The following NDFIP1 variants were observed in gnomAD, a reference collection of about 807,000 sequenced individuals.
The protein encoded by NDFIP1 is Nedd4 family interacting protein 1.
A neutral mutation model predicts 28.8 loss-of-function variants in NDFIP1; 7 were observed. The observed-to-expected ratio is 0.24, with a 90% CI of 0.14 to 0.46. The LOEUF is 0.46. NDFIP1 is among the 20% of genes least tolerant of loss of function. NDFIP1 has a pLI of 0.99. For synonymous variants in NDFIP1, 92 were observed against 101.0 expected, an observed-to-expected ratio of 0.91 and a Z score of 0.53; for missense variants, 194 against 269.1, an observed-to-expected ratio of 0.72 and a Z score of 1.95.
chr5:142,152,793 G>A lies in NDFIP1; in HGVS notation c.*1065G>A, dbSNP rs1245333605. The A allele has an allele frequency of 3.0e-5, 5 of 165,572 alleles. No individual in the cohort carries two copies. Among genetic ancestry groups the A allele is most frequent in the African/African-American group, 1.2e-4 (5 of 41,504 alleles). The allele number at this position is 165,572 out of a possible 1,614,324, so 10.3% of individuals were successfully genotyped here. A position where few individuals can be genotyped will look rare whatever the true frequency, so the allele number is the denominator to read the frequency against. ...GTGTAGCACCTTTTACTGTAGATTA[G>A]TGCTTAATTTCTTGGCTTGCATTTG... On this transcript the variant is annotated 3_prime_UTR_variant, in exon 8 of 8. Transcript: ENST00000253814.
chr5:142,131,019 A>G (rs1279753586), intron 1 of NDFIP1, among the ~76,000 whole-genome samples: 1 of 151,914 alleles, frequency 6.6e-6, no homozygotes, highest in African/African-American at 2.4e-5. Flanking sequence ...CAGTGGCACA[A>G]TCTTAGCTCG....
intron 4 of NDFIP1, 71 bp from the exon 5 acceptor site, chr5:142,137,663 C>A: frequency 1.3e-6 from 2 of 1,553,244 alleles, no homozygotes; most frequent in South Asian, 2.4e-5. Flanking sequence ...TAAACAGAGG[C>A]AGGTGTAAGG....
chr5:142,140,735 T>A, intron 6 of NDFIP1, 106 bp downstream of exon 6: 2 of 779,006 alleles, frequency 2.6e-6, no homozygotes, highest in Non-Finnish European at 2.0e-6. Context: ...AGTAATATAT[T>A]AACAATTAAT....
intron 1 of NDFIP1, among the ~76,000 whole-genome samples, chr5:142,118,524 A>G (rs1376886627): frequency 6.6e-6 from 1 of 152,164 alleles, no homozygotes; most frequent in Admixed American, 6.5e-5. Context: ...AACATGACTT[A>G]TCATTGTTGA....
intron 4 of NDFIP1, among the ~76,000 whole-genome samples, chr5:142,136,772 A>AAAT (rs1757280077): frequency 1.3e-5 from 2 of 150,304 alleles, no homozygotes; most frequent in Non-Finnish European, 3.0e-5. Flanking sequence ...AAAAAAAAAA[A>AAAT]AAGAGGTCAA....
intron 4 of NDFIP1, 108 bp from the exon 5 acceptor site, chr5:142,137,626 C>A: frequency 7.8e-7 from 1 of 1,278,900 alleles, no homozygotes; most frequent in Non-Finnish European, 1.1e-6. Flanking sequence ...GGAGGACAGG[C>A]TGTCTTTTAT....
chr5:142,129,110 T>G (rs894557172), intron 1 of NDFIP1, among the ~76,000 whole-genome samples: 5 of 152,208 alleles, frequency 3.3e-5, no homozygotes, highest in Non-Finnish European at 7.3e-5. Context: ...TAAACCAAGC[T>G]AGGTTTAAAT....
chr5:142,110,333 TAATAA>T (rs1440408561), intron 1 of NDFIP1, among the ~76,000 whole-genome samples: 2 of 152,208 alleles, frequency 1.3e-5, no homozygotes, highest in Non-Finnish European at 2.9e-5. Context: ...CTTACTGCTT[TAATAA>T]AATGGGAATA....
At chr5:142,128,144 T>C (rs985070445) in intron 1 of NDFIP1, among the ~76,000 whole-genome samples, 5 of 152,106 alleles carry the variant, frequency 3.3e-5, no homozygotes, top group Non-Finnish European at 7.3e-5. Context: ...TTCAGATCTG[T>C]CTCTCTGAGT....
Position 142,154,386 on chromosome 5 carries a change from C to A in NDFIP1, c.*2658C>A, listed in dbSNP as rs1260197052. The A allele has an allele frequency of 6.6e-6, 1 of 151,948 alleles. No homozygotes were observed. The highest frequency in any genetic ancestry group is 1.5e-5 in the Non-Finnish European group (1 of 67,972). The allele number at this position is 151,948 out of a possible 1,614,324, so 9.4% of individuals were successfully genotyped here. On this transcript the variant is annotated 3_prime_UTR_variant, in exon 8 of 8. Coordinates refer to ENST00000253814, the MANE Select transcript of NDFIP1 (RefSeq NM_030571.4). ...AGCCATTTTTTTTTTCAGAAAGTTA[C>A]ATTGCTTTGTATAGAAATAAAAGGC...
At chr5:142,125,128 G>A (rs148983161) in intron 1 of NDFIP1, among the ~76,000 whole-genome samples, 331 of 152,162 alleles carry the variant, frequency 2.2e-3, no homozygotes, top group African/African-American at 7.4e-3. Context: ...GTACTGTAAT[G>A]TTTTTAAGGT....
intron 7 of NDFIP1, among the ~76,000 whole-genome samples, chr5:142,148,775 A>AG (rs1296354871): frequency 6.7e-6 from 1 of 149,928 alleles, no homozygotes; most frequent in South Asian, 2.1e-4. Flanking sequence ...AAAAAAAAAA[A>AG]AAGTATGTGA....
rs1347481471 is a variant in NDFIP1 at position 142,140,581 on chromosome 5, G to C, written c.514G>C (p.Gly172Arg). The C allele has an allele frequency of 1.2e-6, 2 of 1,611,870 alleles. No individual in the cohort carries two copies. The highest frequency in any genetic ancestry group is 3.3e-5 in the Admixed American group (2 of 59,718). The change falls in exon 6 of 8, where the codon GGA becomes CGA. Residue 172 changes from glycine to arginine, a missense_variant. By Grantham distance (125) the Gly-to-Arg change is moderately radical. Coordinates refer to ENST00000253814, the MANE Select transcript of NDFIP1 (RefSeq NM_030571.4). ...LIVRFSTYFP[G>R]YFDGQYWLWW... ...TTTTTAGTTTTCCACCTATTTCCCT[G>C]GATATTTTGATGGTCAGTACTGGCT...
intron 7 of NDFIP1, among the ~76,000 whole-genome samples, chr5:142,150,598 G>A (rs1458046848): frequency 6.6e-6 from 1 of 151,840 alleles, no homozygotes; most frequent in African/African-American, 2.4e-5. Context: ...AGTGGTGCAC[G>A]CCTGTTAGTG....
chr5:142,117,995 A>G (rs1757087336), intron 1 of NDFIP1, among the ~76,000 whole-genome samples: 1 of 151,954 alleles, frequency 6.6e-6, no homozygotes. Context: ...CTGACCTCCC[A>G]AGTAGCTGGG....
rs1446229864 is a variant in NDFIP1 at position 142,135,731 on chromosome 5, A to G, written c.284A>G (p.Asp95Gly). ...EATIPLVPGR[D>G]EDFVGRDDFD... is the part of the protein sequence containing the mutation. ...ATAATTCTTTTTCTTTTCATTTAGGATGAGGATTTTGTGGGTCGGGATGAT... is the reference window on the plus strand; with the variant it reads ...ATAATTCTTTTTCTTTTCATTTAGGGTGAGGATTTTGTGGGTCGGGATGAT... The change falls in exon 4 of 8, where the codon GAT becomes GGT. Residue 95 changes from aspartate (D) to glycine (G), a missense_variant and splice_region_variant. Asp to Gly is a moderately conservative substitution (Grantham distance 94, BLOSUM62 -1). Transcript: ENST00000253814. 6.2e-7 allele frequency: 1 copy of G among 1,612,356 alleles called. No individual in the cohort carries two copies. Among genetic ancestry groups the G allele is most frequent in the Non-Finnish European group, 8.5e-7 (1 of 1,178,942 alleles).
intron 7 of NDFIP1, among the ~76,000 whole-genome samples, chr5:142,147,983 GACTTCT>G (rs1209424339): frequency 6.6e-6 from 1 of 152,158 alleles, no homozygotes; most frequent in African/African-American, 2.4e-5. Context: ...TTCTTTTATG[GACTTCT>G]ACTTCTTTGA....
At chr5:142,127,390 G>A (rs1466211848) in intron 1 of NDFIP1, among the ~76,000 whole-genome samples, 1 of 152,164 alleles carries the variant, frequency 6.6e-6, no homozygotes, top group African/African-American at 2.4e-5. Flanking sequence ...ATGGCAGATT[G>A]TGACATATCT....
intron 1 of NDFIP1, among the ~76,000 whole-genome samples, chr5:142,117,855 GT>G (rs1189521483): frequency 6.7e-6 from 1 of 149,166 alleles, no homozygotes; most frequent in Non-Finnish European, 1.5e-5. Context: ...GGCTTTAAAT[GT>G]TTTTTAAATA....
Sources: gnomAD v4.1 joint callset for allele counts (sites outside exome capture counted in the v4.1 genomes callset) on GRCh38, gnomAD v4.1.1 for gene constraint, MANE v1.5 for transcripts, NCBI Gene and HGNC (gene_info 2026-07-23, HGNC 2026-07-21) for gene names.